Variants in GINM1 observed in about 807,000 individuals in gnomAD.
GINM1 encodes glycoprotein integral membrane protein 1.
Under a neutral mutation model 37.8 loss-of-function variants are expected in GINM1, and 29 were observed. The ratio of observed to expected loss-of-function variants is 0.77; its 90% CI spans 0.57 to 1.05. The LOEUF (loss-of-function observed/expected upper bound fraction) is 1.05, where lower values mean the gene tolerates loss of function less well. Ranked by LOEUF, GINM1 falls within the 50% of genes least tolerant of loss-of-function variation. The probability of loss-of-function intolerance (pLI) is 0.00; values close to 1 mark genes in which losing one functional copy is unlikely to be tolerated. For synonymous variants in GINM1, 143 were observed against 146.2 expected, an observed-to-expected ratio of 0.98 and a Z score of 0.16; for missense variants, 377 against 397.9, an observed-to-expected ratio of 0.95 and a Z score of 0.45.
intron 1 of GINM1, 37 bp from the exon 2 acceptor site, chr6:149,572,248 T>C (rs766516085): frequency 7.6e-7 from 1 of 1,314,334 alleles, no homozygotes; most frequent in South Asian, 1.3e-5. Flanking sequence ...ATCTGTGAGA[T>C]GCACACCTTC....
At chr6:149,576,956 G>T (rs997112010) in intron 3 of GINM1, among the ~76,000 whole-genome samples, 1 of 152,154 alleles carries the variant, frequency 6.6e-6, no homozygotes, top group Admixed American at 6.5e-5. Flanking sequence ...CTAAGGAGGC[G>T]TCAGGAAGCT....
At chr6:149,571,857 C>T (rs969581027) in intron 1 of GINM1, among the ~76,000 whole-genome samples, 2 of 152,060 alleles carry the variant, frequency 1.3e-5, no homozygotes, top group Admixed American at 6.5e-5. Context: ...CCGAGGAGGG[C>T]GGATCACGAG....
Position 149,582,471 on chromosome 6 carries a change from A to G in GINM1, c.749A>G (p.Lys250Arg). 1 of 1,607,862 alleles carries G rather than the reference A, an allele frequency of 6.2e-7. No individual in the cohort carries two copies. The highest frequency in any genetic ancestry group is 1.3e-5 in the African/African-American group (1 of 74,794). ...VMCQWMEKFR[K>R]DLCRFWSNVF... ...TGTCAGTGGATGGAAAAGTTTAGAA[A>G]AGATCTGTGTAGGTTCTGGAGCAAC... is the stretch of plus-strand genomic sequence containing the variant. Residue 250 changes from lysine (K) to arginine (R), a missense_variant, in exon 7 of 8, where the codon AAA (lysine) becomes AGA (arginine). Coordinates refer to ENST00000367419, the MANE Select transcript of GINM1 (RefSeq NM_138785.5).
Position 149,590,758 on chromosome 6 carries a change from A to G in GINM1, c.913A>G (p.Ile305Val), listed in dbSNP as rs766194984. ...TCTTCAGTTGGATAAAGTGGACGTC[A>G]TACCTGTGACAGCTATCAACTTATA... ...GILQLDKVDV[I>V]PVTAINLYPD... is the part of the protein sequence containing the mutation. The change falls in exon 8 of 8, where the codon ATA becomes GTA. Residue 305 changes from isoleucine to valine, a missense_variant. Ile to Val is a conservative substitution (Grantham distance 29). Coordinates refer to ENST00000367419, the MANE Select transcript of GINM1 (RefSeq NM_138785.5). The G allele has an allele frequency of 3.8e-6, 6 of 1,594,696 alleles. No individual in the cohort carries two copies. In the East Asian group the frequency reaches 1.3e-4, roughly 36 times the overall value.
intron 1 of GINM1, among the ~76,000 whole-genome samples, chr6:149,570,113 T>G (rs1053999075): frequency 7.7e-6 from 1 of 130,286 alleles, no homozygotes; most frequent in African/African-American, 2.8e-5. Context: ...TTTTTCAAAC[T>G]CTGTAATTTT....
chr6:149,582,154 G>A (rs1405644253), intron 6 of GINM1: 1 of 514,524 alleles, frequency 1.9e-6, no homozygotes, highest in Non-Finnish European at 3.9e-6. Flanking sequence ...TTGATTTGTA[G>A]TTAGAAAACA....
chr6:149,569,100 T>G (rs576277534), intron 1 of GINM1, among the ~76,000 whole-genome samples: 3 of 152,214 alleles, frequency 2.0e-5, no homozygotes, highest in Non-Finnish European at 2.9e-5. Flanking sequence ...TGATCTCGGC[T>G]CACTGCAACT....
At position 149,576,742 on chromosome 6, in the gene GINM1, G is replaced by A. The variant is rs73604797; in HGVS notation, c.278-2080G>A. Among the ~76,000 whole-genome samples, 711 of 152,284 alleles carry A rather than the reference G, an allele frequency of 4.7e-3. 7 individuals are homozygous for A. The highest frequency in any genetic ancestry group is 0.017 in the African/African-American group (697 of 41,554). On this transcript the variant is annotated intron_variant, in intron 3 of 7. Transcript: ENST00000367419. ...TCATTGAGGGGCATTTTTGAAAGCC[G>A]CCTACCACAGTAAGGAAGTCAATAT...
chr6:149,578,867 G>C lies in GINM1; in HGVS notation c.323G>C (p.Gly108Ala). 2 of 1,590,900 alleles carry C rather than the reference G, an allele frequency of 1.3e-6. No homozygotes were observed. Among genetic ancestry groups the C allele is most frequent in the Non-Finnish European group, 1.7e-6 (2 of 1,165,274 alleles). ...AATTTGGAGGAAAAAGAATATTTTG[G>C]AATTGTCAGTGTAAGGATTTTAGTT... ...LENLEEKEYF[G>A]IVSVRILVHE... is the part of the protein sequence containing the mutation. The change falls in exon 4 of 8, where the codon GGA becomes GCA. Residue 108 changes from glycine (G) to alanine (A), a missense_variant. By Grantham distance (60) the Gly-to-Ala change is moderately conservative. Coordinates refer to ENST00000367419, the MANE Select transcript of GINM1 (RefSeq NM_138785.5).
intron 3 of GINM1, among the ~76,000 whole-genome samples, chr6:149,576,588 A>C (rs1777917926): frequency 6.6e-6 from 1 of 151,638 alleles, no homozygotes; most frequent in African/African-American, 2.4e-5. Context: ...GTCTCTTTCA[A>C]AAGAACAAAA....
At chr6:149,583,886 CT>C (rs1409465603) in intron 7 of GINM1, among the ~76,000 whole-genome samples, 5 of 152,054 alleles carry the variant, frequency 3.3e-5, no homozygotes, top group Admixed American at 2.0e-4. Context: ...CTTTGACTTC[CT>C]TTTGTATATT....
In GINM1 at chr6:149,574,334, G is replaced by GCC. The variant is rs1485142611; in HGVS notation, c.277+1731_277+1732insCC. Among the ~76,000 whole-genome samples, 69 of 144,552 alleles carry GCC rather than the reference G, an allele frequency of 4.8e-4. No homozygotes were observed. In the East Asian group the frequency reaches 6.0e-3, roughly 13 times the overall value. 94.8% of individuals were successfully genotyped at this position (144,552 alleles called of 152,430 possible). ...CCCAAAGTGCTGGGATTACAGGCGT[G>GCC]AGCCACCGTGCCCGGCCCACTTGTT... On this transcript the variant is annotated intron_variant, in intron 3 of 7. Coordinates refer to ENST00000367419, the MANE Select transcript of GINM1 (RefSeq NM_138785.5).
At chr6:149,571,106 G>A (rs1424319704) in intron 1 of GINM1, among the ~76,000 whole-genome samples, 3 of 152,064 alleles carry the variant, frequency 2.0e-5, no homozygotes, top group Non-Finnish European at 4.4e-5. Flanking sequence ...ACGAGGTCGG[G>A]AGTTCGCAAC....
chr6:149,582,424 G>A lies in GINM1; in HGVS notation c.718-16G>A, dbSNP rs754304326. 21 of 1,595,562 alleles carry A rather than the reference G, an allele frequency of 1.3e-5. No individual in the cohort carries two copies. The highest frequency in any genetic ancestry group is 6.0e-6 in the Non-Finnish European group (7 of 1,175,210). Reference sequence around the variant, plus strand: ...ATTGATGCAACTTGCATATCTAATCGAAATTCCTTTTTCAGGTAATGTGTC... The same window carrying A: ...ATTGATGCAACTTGCATATCTAATCAAAATTCCTTTTTCAGGTAATGTGTC... On this transcript the variant is annotated splice_polypyrimidine_tract_variant and intron_variant, in intron 6 of 7. Coordinates refer to ENST00000367419, the MANE Select transcript of GINM1 (RefSeq NM_138785.5).
intron 4 of GINM1, among the ~76,000 whole-genome samples, chr6:149,579,515 ACT>A (rs67319920): frequency 0.44 from 67,361 of 151,598 alleles, 16,386 homozygotes; most frequent in East Asian, 0.81. Flanking sequence ...ACATGGAGAA[ACT>A]CCTTGTCTCT....
At chr6:149,582,899 A>G (rs1778022336) in intron 7 of GINM1, among the ~76,000 whole-genome samples, 1 of 152,214 alleles carries the variant, frequency 6.6e-6, no homozygotes, top group South Asian at 2.1e-4. Context: ...TGTAATGGAA[A>G]ATGCAACTGT....
intron 7 of GINM1, among the ~76,000 whole-genome samples, chr6:149,586,870 A>C (rs550651394): frequency 1.2e-4 from 18 of 151,236 alleles, no homozygotes; most frequent in Admixed American, 6.6e-4. Context: ...TCTCACCTCA[A>C]TCTCCCAAGA....
intron 6 of GINM1, among the ~76,000 whole-genome samples, chr6:149,581,231 C>T (rs768125598): frequency 2.6e-5 from 4 of 151,520 alleles, no homozygotes; most frequent in Non-Finnish European, 5.9e-5. Flanking sequence ...GGTGTGATCT[C>T]GGCTTACTCC....
chr6:149,573,773 G>A (rs1182699595), intron 3 of GINM1, among the ~76,000 whole-genome samples: 1 of 151,514 alleles, frequency 6.6e-6, no homozygotes, highest in Admixed American at 6.6e-5. Flanking sequence ...CCTGAGAGGT[G>A]GGAGGATCGC....
Sources: gnomAD v4.1 joint callset for allele counts (sites outside exome capture counted in the v4.1 genomes callset) on GRCh38, gnomAD v4.1.1 for gene constraint, MANE v1.5 for transcripts, NCBI Gene and HGNC (gene_info 2026-07-23, HGNC 2026-07-21) for gene names.